The following LDHB variants were observed in gnomAD, a reference collection of about 807,000 sequenced individuals.
LDHB encodes lactate dehydrogenase B, also known as L-lactate dehydrogenase B chain.
LDHB carries 18 observed loss-of-function variants against 33.4 expected under a neutral mutation model. The ratio of observed to expected loss-of-function variants is 0.54; its 90% CI spans 0.37 to 0.80. The LOEUF is 0.80. Ranked by LOEUF, LDHB falls within the 30% of genes least tolerant of loss-of-function variation. LDHB has a pLI of 0.00. For missense variants in LDHB, 345 were observed against 407.9 expected, an observed-to-expected ratio of 0.85 and a Z score of 1.33; for synonymous variants, 121 against 140.6, an observed-to-expected ratio of 0.86 and a Z score of 0.98.
intron 2 of LDHB, among the ~76,000 whole-genome samples, chr12:21,647,358 A>G (rs1244305197): frequency 1.3e-5 from 2 of 152,132 alleles, no homozygotes; most frequent in African/African-American, 4.8e-5. Context: ...GGTCACCCCA[A>G]TTTGGAGGCT....
intron 1 of LDHB, among the ~76,000 whole-genome samples, chr12:21,655,826 T>C (rs1295597570): frequency 6.6e-6 from 1 of 152,202 alleles, no homozygotes; most frequent in East Asian, 1.9e-4. Flanking sequence ...ATGTGTTTTC[T>C]AGATAACTGA....
intron 1 of LDHB, among the ~76,000 whole-genome samples, chr12:21,655,598 A>AG (rs1009778570): frequency 1.3e-5 from 2 of 152,350 alleles, no homozygotes; most frequent in Middle Eastern, 3.4e-3. Flanking sequence ...AATTCCTTTT[A>AG]GGGCACCTAA....
chr12:21,644,939 T>C (rs1335338808), intron 3 of LDHB, among the ~76,000 whole-genome samples: 1 of 152,196 alleles, frequency 6.6e-6, no homozygotes, highest in African/African-American at 2.4e-5. Context: ...AATTACTTTG[T>C]ACTGTGGGGA....
rs1938381033 is a variant in LDHB, at chr12:21,641,942, T to C, written c.595+10A>G. ...CATCACAAGTAATTATTTCTTTTTT[T>C]TTTCTTTACCACTTGAGTCGCCATG... is the stretch of plus-strand genomic sequence containing the variant. On this transcript the variant is annotated intron_variant, in intron 5 of 7. Transcript: ENST00000350669. 6.2e-7 allele frequency: 1 copy of C among 1,603,878 alleles called. No individual in the cohort carries two copies. The highest frequency in any genetic ancestry group is 8.5e-7 in the Non-Finnish European group (1 of 1,175,840).
chr12:21,648,328 A>G (rs1319440955), intron 2 of LDHB, among the ~76,000 whole-genome samples: 1 of 152,196 alleles, frequency 6.6e-6, no homozygotes, highest in Non-Finnish European at 1.5e-5. Context: ...AAATCTGGGC[A>G]TAATCAAGTA....
chr12:21,650,064 C>A (rs1242804162), intron 2 of LDHB, among the ~76,000 whole-genome samples: 1 of 146,870 alleles, frequency 6.8e-6, no homozygotes, highest in African/African-American at 2.5e-5. Context: ...TGTGCTCCAG[C>A]CTGGGTGACA....
intron 5 of LDHB, 199 bp from the exon 6 acceptor site, chr12:21,638,669 G>C: frequency 1.8e-6 from 1 of 558,104 alleles, no homozygotes; most frequent in Non-Finnish European, 3.2e-6. Context: ...CAACATGTCT[G>C]ACCTTTTAAC....
chr12:21,638,261 T>C, intron 6 of LDHB, 92 bp downstream of exon 6: 1 of 790,164 alleles, frequency 1.3e-6, no homozygotes, highest in Non-Finnish European at 2.3e-6. Context: ...ACATTAAGAG[T>C]TTATCTGAGC....
At chr12:21,641,877 A>G in intron 5 of LDHB, 75 bp downstream of exon 5, 1 of 1,286,496 alleles carries the variant, frequency 7.8e-7, no homozygotes, top group African/African-American at 1.5e-5. Context: ...ATAAAAATAA[A>G]ATTTGAAATA....
In LDHB at chr12:21,639,346, T is replaced by C. The variant is rs536586903; in HGVS notation, c.596-876A>G. 1.4e-4 allele frequency among the ~76,000 whole-genome samples: 21 copies of C among 152,030 alleles called. No individual in the cohort carries two copies. The East Asian group carries it at 3.7e-3, about 27-fold the overall frequency. On this transcript the variant is annotated intron_variant, in intron 5 of 7. Coordinates refer to ENST00000350669, the MANE Select transcript of LDHB (RefSeq NM_002300.8). ...ATAACAGCCATAATGTAATAGAACA[T>C]TGGACGGGAATCAGAAGACATAATT...
At position 21,642,118 on chromosome 12, in the gene LDHB, A is replaced by T. The variant is rs771659456; in HGVS notation, c.429T>A (p.Ile143=). ...TTAGTTTCCAGGTAACATACGTAAG[A>T]ATGTCCACTAAAAATTTTGGAAATA... ...IIIVVSNPVD[I]LTYVTWKLSG... The change falls in exon 5 of 8, where the codon ATT becomes ATA. Residue 143 remains isoleucine, a synonymous_variant. Coordinates refer to ENST00000350669, the MANE Select transcript of LDHB (RefSeq NM_002300.8). The T allele has an allele frequency of 3.3e-5, 54 of 1,612,576 alleles. No individual in the cohort carries two copies. The highest frequency in any genetic ancestry group is 4.4e-5 in the Non-Finnish European group (52 of 1,178,752).
intron 2 of LDHB, among the ~76,000 whole-genome samples, chr12:21,653,666 G>GTATA (rs1938755347): frequency 3.3e-5 from 5 of 151,832 alleles, no homozygotes; most frequent in East Asian, 1.9e-4. Context: ...ACACATATAT[G>GTATA]TATGTATATA....
At chr12:21,654,358 GAATAT>G in intron 2 of LDHB, 180 bp downstream of exon 2, 3 of 610,852 alleles carry the variant, frequency 4.9e-6, no homozygotes, top group Non-Finnish European at 8.7e-6. Context: ...CACATAGGGA[GAATAT>G]AATTCTTTTA....
At chr12:21,655,856 C>T (rs61696810) in intron 1 of LDHB, among the ~76,000 whole-genome samples, 2 of 152,284 alleles carry the variant, frequency 1.3e-5, no homozygotes, top group South Asian at 4.1e-4. Context: ...CAAAACTTAT[C>T]GAAATAAACA....
At chr12:21,644,427 A>AAAAAAAAAAAAC (rs1555165035) in intron 3 of LDHB, among the ~76,000 whole-genome samples, 8 of 20,052 alleles carry the variant, frequency 4.0e-4, no homozygotes, top group Admixed American at 7.6e-4. Flanking sequence ...TAGACATCAA[A>AAAAAAAAAAAAC]AAAAAAAAAA....
chr12:21,642,177 G>T, intron 4 of LDHB, 52 bp from the exon 5 acceptor site: 2 of 1,387,136 alleles, frequency 1.4e-6, no homozygotes, highest in Non-Finnish European at 2.1e-6. Context: ...AACTTCAACT[G>T]TTAGGCAGCT....
intron 6 of LDHB, among the ~76,000 whole-genome samples, chr12:21,637,824 G>T (rs1236345489): frequency 5.3e-5 from 8 of 151,688 alleles, no homozygotes; most frequent in Admixed American, 5.3e-4. Flanking sequence ...TAAAATAAAG[G>T]TATATGTTAA....
intron 2 of LDHB, among the ~76,000 whole-genome samples, chr12:21,652,111 A>AACG (rs397715337): frequency 6.6e-6 from 1 of 151,682 alleles, no homozygotes; most frequent in Non-Finnish European, 1.5e-5. Context: ...TTATGATTAC[A>AACG]TCATAGAGGT....
rs1222224431 is a variant in LDHB at position 21,657,810 on chromosome 12, T to C, written c.-66A>G. On this transcript the variant is annotated 5_prime_UTR_variant, in exon 1 of 8. Coordinates refer to ENST00000350669, the MANE Select transcript of LDHB (RefSeq NM_002300.8). ...GTCGTGCGGAGAAGACAAAGTCAGC[T>C]GCGTGCGTCTCCTCCGGCGCCGGCT... is the stretch of plus-strand genomic sequence containing the variant. 1 of 152,494 alleles carries C rather than the reference T, an allele frequency of 6.6e-6. No individual in the cohort carries two copies. Among genetic ancestry groups the C allele is most frequent in the African/African-American group, 2.4e-5 (1 of 41,482 alleles). The allele number at this position is 152,494 out of a possible 1,614,324, so 9.4% of individuals were successfully genotyped here.
Sources: gnomAD v4.1 joint callset for allele counts (sites outside exome capture counted in the v4.1 genomes callset) on GRCh38, gnomAD v4.1.1 for gene constraint, MANE v1.5 for transcripts, NCBI Gene and HGNC (gene_info 2026-07-23, HGNC 2026-07-21) for gene names.